AP5Z1: variants seen among roughly 807,000 people sequenced by gnomAD.
AP5Z1 encodes adaptor related protein complex 5 subunit zeta 1.
A neutral mutation model predicts 83.0 loss-of-function variants in AP5Z1; 106 were observed. The ratio of observed to expected loss-of-function variants is 1.28; its 90% CI spans 1.09 to 1.50. AP5Z1 has a LOEUF of 1.50. Among genes scored for constraint, AP5Z1 ranks in the 40% most tolerant of loss-of-function variants. The probability of loss-of-function intolerance (pLI) is 0.00; values close to 1 mark genes in which losing one functional copy is unlikely to be tolerated. For synonymous variants in AP5Z1, 751 were observed against 514.1 expected (o/e 1.46, Z -6.23); for missense variants, 1,565 against 1,094.2 (o/e 1.43, Z -6.07).
At chr7:4,790,651 G>T (rs752933638) in intron 15 of AP5Z1, 22 bp from the exon 16 acceptor site, 1 of 1,612,228 alleles carries the variant, frequency 6.2e-7, no homozygotes, top group Admixed American at 1.7e-5. Flanking sequence ...GGTGGGGGCT[G>T]AATCTCTGTC....
chr7:4,791,539 C>A lies in AP5Z1; in HGVS notation c.*154C>A. 8.9e-7 allele frequency: 1 copy of A among 1,126,888 alleles called. No individual in the cohort carries two copies. The highest frequency in any genetic ancestry group is 1.6e-5 in the African/African-American group (1 of 63,626). The allele number at this position is 1,126,888 out of a possible 1,614,324, so 69.8% of individuals were successfully genotyped here. On this transcript the variant is annotated 3_prime_UTR_variant, in exon 17 of 17. Coordinates refer to ENST00000649063, the MANE Select transcript of AP5Z1 (RefSeq NM_014855.3). The stretch of plus-strand genomic sequence containing the variant: ...TTGGCACCCTCACAGACACGCGGGG[C>A]TGGCCCCCCTGCTCACCCTCTGGGC...
chr7:4,790,549 C>A lies in AP5Z1; in HGVS notation c.1896C>A (p.Ser632Arg), dbSNP rs369050593. Residue 632 changes from serine to arginine, a missense_variant, in exon 15 of 17, where the codon AGC (serine) becomes AGA (arginine). By Grantham distance (110) the Ser-to-Arg change is moderately radical. Transcript: ENST00000649063. ...GAGACCTGCTGGAGTTCCTGGGCAGCGTGAATGGTCTCTGCAGCAGGGCGA... is the reference window on the plus strand; with the variant it reads ...GAGACCTGCTGGAGTTCCTGGGCAGAGTGAATGGTCTCTGCAGCAGGGCGA... Reference protein sequence around the residue: ...LARDLLEFLGSVNGLCSRASL... With the variant: ...LARDLLEFLGRVNGLCSRASL... 6.2e-7 allele frequency: 1 copy of A among 1,613,002 alleles called. No individual in the cohort carries two copies. The highest frequency in any genetic ancestry group is 2.2e-5 in the East Asian group (1 of 44,876).
intron 6 of AP5Z1, 121 bp from the exon 7 acceptor site, chr7:4,784,787 C>T (rs1361502441): frequency 7.4e-7 from 1 of 1,357,180 alleles, no homozygotes; most frequent in Non-Finnish European, 9.8e-7. Flanking sequence ...ACGGTGACGC[C>T]TCACGCCTCC....
intron 1 of AP5Z1, among the ~76,000 whole-genome samples, chr7:4,780,138 C>CGCATTATT (rs1781340968): frequency 6.6e-6 from 1 of 152,086 alleles, no homozygotes; most frequent in African/African-American, 2.4e-5. Context: ...AACCCCTTTG[C>CGCATTATT]GCATTATTGG....
chr7:4,781,145 CT>C, intron 1 of AP5Z1, 29 bp from the exon 2 acceptor site: 1 of 1,606,548 alleles, frequency 6.2e-7, no homozygotes, highest in Non-Finnish European at 8.5e-7. Context: ...GCGAGTGCTT[CT>C]GGGTCCTGAA....
chr7:4,793,389 C>T lies in AP5Z1; in HGVS notation c.*2004C>T, dbSNP rs143513418. 0.016 allele frequency: 2,442 copies of T among 152,666 alleles called. 33 individuals are homozygous for T. Among genetic ancestry groups the T allele is most frequent in the Middle Eastern group, 0.054 (16 of 296 alleles). 9.5% of individuals were successfully genotyped at this position (152,666 alleles called of 1,614,324 possible). ...GCTGGCAGTCCTCACAGCCCTCGCT[C>T]GCTCTTGGCGCCTCCTCTGCCTGGG... On this transcript the variant is annotated 3_prime_UTR_variant, in exon 17 of 17. Transcript: ENST00000649063.
Position 4,787,548 on chromosome 7 carries a change from C to T in AP5Z1, c.1312-86C>T, listed in dbSNP as rs1562410333. ...CCTCCTGGGGACTGCAGGTCTGGGA[C>T]AGCTGTGGGGCCCTAGCTGGCTCCT... On this transcript the variant is annotated intron_variant, in intron 10 of 16. Coordinates refer to ENST00000649063, the MANE Select transcript of AP5Z1 (RefSeq NM_014855.3). 4 of 1,490,906 alleles carry T rather than the reference C, an allele frequency of 2.7e-6. No individual in the cohort carries two copies. The African/African-American group carries it at 4.2e-5, about 16-fold the overall frequency. 92.4% of individuals were successfully genotyped at this position (1,490,906 alleles called of 1,614,324 possible). A position where few individuals can be genotyped will look rare whatever the true frequency, so the allele number is the denominator to read the frequency against.
rs757322471 is a variant in AP5Z1, at chr7:4,783,769, G to A, written c.592G>A (p.Gly198Ser). Reference protein sequence around the residue: ...SLQQGLPHSGGFFSTPRARQP... With the variant: ...SLQQGLPHSGSFFSTPRARQP... ...CCAGCAAGGGCTCCCACACTCCGGCGGCTTCTTCTCCACGCCCAGGGCCCG... is the reference window on the plus strand; with the variant it reads ...CCAGCAAGGGCTCCCACACTCCGGCAGCTTCTTCTCCACGCCCAGGGCCCG... Residue 198 changes from glycine (G) to serine (S), a missense_variant, in exon 5 of 17, where the codon GGC becomes AGC. Transcript: ENST00000649063. 21 of 1,550,148 alleles carry A rather than the reference G, an allele frequency of 1.4e-5. No homozygotes were observed. In the East Asian group the frequency reaches 1.5e-4, roughly 11 times the overall value.
In AP5Z1 at chr7:4,791,301, C is replaced by G. The variant is rs764400679; in HGVS notation, c.2340C>G (p.His780Gln). Reference sequence around the variant, plus strand: ...CGGAGGTGTGCAGCCCCCGCTATCACCGCGATGCCAACACGGCCCTGCCCC... The same window carrying G: ...CGGAGGTGTGCAGCCCCCGCTATCAGCGCGATGCCAACACGGCCCTGCCCC... ...PSTEVCSPRY[H>Q]RDANTALPLA... Residue 780 changes from histidine (H) to glutamine (Q), a missense_variant, in exon 17 of 17, where the codon CAC becomes CAG. Transcript: ENST00000649063. The G allele has an allele frequency of 2.5e-6, 4 of 1,612,276 alleles. No individual in the cohort carries two copies. Among genetic ancestry groups the G allele is most frequent in the East Asian group, 4.5e-5 (2 of 44,880 alleles).
At chr7:4,786,093 G>A (rs1781534525) in intron 9 of AP5Z1, among the ~76,000 whole-genome samples, 157 bp from the exon 10 acceptor site, 1 of 152,200 alleles carries the variant, frequency 6.6e-6, no homozygotes, top group African/African-American at 2.4e-5. Flanking sequence ...CTGGGCGAGG[G>A]AGACCAAGTG....
chr7:4,782,428 C>G (rs1379684170), intron 3 of AP5Z1, among the ~76,000 whole-genome samples: 1 of 152,184 alleles, frequency 6.6e-6, no homozygotes, highest in Non-Finnish European at 1.5e-5. Flanking sequence ...GCTGCTATCT[C>G]TGCTCATGGG....
Position 4,781,763 on chromosome 7 carries a change from GC to G in AP5Z1, c.366+10del. On this transcript the variant is annotated intron_variant, in intron 3 of 16. Coordinates refer to ENST00000649063, the MANE Select transcript of AP5Z1 (RefSeq NM_014855.3). ...CCGTTCTCTTGGCCCAGGTAGCGCAGCAGTCACCACCCCAGTTGGCACCGGA... is the reference window on the plus strand; with the variant it reads ...CCGTTCTCTTGGCCCAGGTAGCGCAGAGTCACCACCCCAGTTGGCACCGGA... 1 of 1,545,892 alleles carries G rather than the reference GC, an allele frequency of 6.5e-7. No individual in the cohort carries two copies. Among genetic ancestry groups the G allele is most frequent in the Non-Finnish European group, 8.8e-7 (1 of 1,137,636 alleles).
chr7:4,781,504 G>T, intron 2 of AP5Z1, 64 bp from the exon 3 acceptor site: 1 of 1,567,842 alleles, frequency 6.4e-7, no homozygotes, highest in Non-Finnish European at 8.7e-7. Context: ...GTGCTCTGGG[G>T]CACCGGGTGC....
At chr7:4,776,390 A>G (rs1005470993) in intron 1 of AP5Z1, among the ~76,000 whole-genome samples, 1 of 152,018 alleles carries the variant, frequency 6.6e-6, no homozygotes, top group Non-Finnish European at 1.5e-5. Flanking sequence ...CGGTCCACCA[A>G]ACAGGCAAAG....
At position 4,781,098 on chromosome 7, in the gene AP5Z1, C is replaced by G. The variant is rs143180624; in HGVS notation, c.42-77C>G. On this transcript the variant is annotated intron_variant, in intron 1 of 16. Transcript: ENST00000649063. Reference sequence around the variant, plus strand: ...TTCTCTTTTCTAAAGAGGGATTTTCCCTGCTCCAAGGGTTATCCTTTTTTT... The same window carrying G: ...TTCTCTTTTCTAAAGAGGGATTTTCGCTGCTCCAAGGGTTATCCTTTTTTT... 2.5e-5 allele frequency: 38 copies of G among 1,537,438 alleles called. No homozygotes were observed. In the South Asian group the frequency reaches 3.1e-4, roughly 13 times the overall value.
chr7:4,788,212 T>C lies in AP5Z1; in HGVS notation c.1513T>C (p.Cys505Arg). ...LWDTSLRAPS[C>R]LEAFRDPQFQ... ...GGACACCTCTCTCAGGGCCCCCAGC[T>C]GCCTGGAGGCCTTCCGGGACCCGCA... Residue 505 changes from cysteine to arginine, a missense_variant, in exon 12 of 17, where the codon TGC becomes CGC. Physicochemically the swap from Cys to Arg is radical, Grantham distance 180. Coordinates refer to ENST00000649063, the MANE Select transcript of AP5Z1 (RefSeq NM_014855.3). The C allele has an allele frequency of 6.4e-7, 1 of 1,567,248 alleles. No individual in the cohort carries two copies. The highest frequency in any genetic ancestry group is 1.9e-5 in the Admixed American group (1 of 53,380).
rs1562414986 is a variant in AP5Z1, at chr7:4,790,804, GCCCAGGTGTCCCC to G, written c.2079_2091del (p.Cys693TrpfsTer5). The G allele has an allele frequency of 1.6e-5, 25 of 1,609,204 alleles. No homozygotes were observed. The highest frequency in any genetic ancestry group is 3.4e-5 in the Admixed American group (2 of 59,644). ...CCCAGTGCCGCCCCTCTGCTGCCCT[GCCCAGGTGTCCCC>G]CCCAGGTGGTCACCGTGCTGATGAC... is the stretch of plus-strand genomic sequence containing the variant. On this transcript the variant is annotated frameshift_variant, in exon 16 of 17. Coordinates refer to ENST00000649063, the MANE Select transcript of AP5Z1 (RefSeq NM_014855.3). LOFTEE classifies it high-confidence loss of function.
chr7:4,777,646 C>T (rs937968940), intron 1 of AP5Z1, among the ~76,000 whole-genome samples: 6 of 152,174 alleles, frequency 3.9e-5, no homozygotes, highest in African/African-American at 1.4e-4. Flanking sequence ...GACTCGGCCC[C>T]TCGAAGTGCC....
intron 5 of AP5Z1, 47 bp downstream of exon 5, chr7:4,783,845 A>G (rs1328303925): frequency 6.6e-7 from 1 of 1,518,272 alleles, no homozygotes; most frequent in Non-Finnish European, 8.9e-7. Context: ...AGTCACAGAC[A>G]ACCCCTCCCT....
Sources: gnomAD v4.1 joint callset for allele counts (sites outside exome capture counted in the v4.1 genomes callset) on GRCh38, gnomAD v4.1.1 for gene constraint, MANE v1.5 for transcripts, NCBI Gene and HGNC (gene_info 2026-07-23, HGNC 2026-07-21) for gene names.